TAFA1: variants seen among roughly 807,000 people sequenced by gnomAD.
The protein encoded by TAFA1 is chemokine-like protein TAFA-1.
In TAFA1, 4 loss-of-function variants were observed where a neutral mutation model predicts 18.5. The observed-to-expected ratio is 0.22, with a 90% CI of 0.11 to 0.49. The LOEUF is 0.49. Ranked by LOEUF, TAFA1 falls within the 20% of genes least tolerant of loss-of-function variation. The pLI is 0.98. For missense variants in TAFA1, 147 were observed against 169.0 expected, an observed-to-expected ratio of 0.87 and a Z score of 0.72; for synonymous variants, 56 against 55.2, an observed-to-expected ratio of 1.01 and a Z score of -0.06.
At chr3:68,407,255 C>G (rs1394253578) in intron 2 of TAFA1, among the ~76,000 whole-genome samples, 1 of 152,088 alleles carries the variant, frequency 6.6e-6, no homozygotes, top group Non-Finnish European at 1.5e-5. Context: ...CATGCCTACT[C>G]TGAACCAGGT....
intron 2 of TAFA1, among the ~76,000 whole-genome samples, chr3:68,080,870 A>G (rs563148345): frequency 3.3e-5 from 5 of 152,248 alleles, no homozygotes; most frequent in African/African-American, 1.2e-4. Flanking sequence ...ACCTTGCTAG[A>G]TTGGGGAAGT....
At chr3:68,049,086 T>C (rs546174765) in intron 2 of TAFA1, among the ~76,000 whole-genome samples, 1 of 152,244 alleles carries the variant, frequency 6.6e-6, no homozygotes, top group East Asian at 1.9e-4. Context: ...CTGGGCACAT[T>C]TTTTACTGCA....
At chr3:68,268,916 C>A (rs531065941) in intron 2 of TAFA1, among the ~76,000 whole-genome samples, 1 of 152,142 alleles carries the variant, frequency 6.6e-6, no homozygotes, top group African/African-American at 2.4e-5. Flanking sequence ...AATTCCAATA[C>A]CCCATTACAT....
At chr3:68,500,746 C>G (rs2665538) in intron 3 of TAFA1, among the ~76,000 whole-genome samples, 30,766 of 151,740 alleles carry the variant, frequency 0.2, 3,223 homozygotes, top group Middle Eastern at 0.24. Context: ...TAAGCAATCA[C>G]TGTGACCAGA....
intron 2 of TAFA1, among the ~76,000 whole-genome samples, chr3:68,318,784 T>A (rs1405761675): frequency 6.6e-6 from 1 of 152,200 alleles, no homozygotes; most frequent in Non-Finnish European, 1.5e-5. Flanking sequence ...CTGGTCTAAG[T>A]AGGCTTATTT....
chr3:68,237,921 TG>T (rs1431960687), intron 2 of TAFA1, among the ~76,000 whole-genome samples: 2 of 152,030 alleles, frequency 1.3e-5, no homozygotes, highest in Non-Finnish European at 2.9e-5. Flanking sequence ...AAGGCATCAC[TG>T]AAACTGAGGG....
intron 2 of TAFA1, among the ~76,000 whole-genome samples, chr3:68,013,504 C>T (rs1704512022): frequency 6.6e-6 from 1 of 152,064 alleles, no homozygotes; most frequent in South Asian, 2.1e-4. Flanking sequence ...GGATTTTTCT[C>T]CTCTATAAGT....
At chr3:68,092,620 C>T (rs942106192) in intron 2 of TAFA1, among the ~76,000 whole-genome samples, 6 of 152,168 alleles carry the variant, frequency 3.9e-5, no homozygotes, top group African/African-American at 1.4e-4. Context: ...TCAGGTAAAT[C>T]TTTCATGGGG....
intron 2 of TAFA1, among the ~76,000 whole-genome samples, chr3:68,129,592 T>C (rs538087404): frequency 6.6e-6 from 1 of 152,348 alleles, no homozygotes; most frequent in South Asian, 2.1e-4. Context: ...AAGATGCTGG[T>C]TCCATAACAT....
At chr3:68,308,131 A>C (rs2068452908) in intron 2 of TAFA1, among the ~76,000 whole-genome samples, 3 of 152,140 alleles carry the variant, frequency 2.0e-5, no homozygotes. Flanking sequence ...CATGTGCTAA[A>C]AACCTATGAT....
At chr3:68,208,489 G>T (rs1559559140) in intron 2 of TAFA1, among the ~76,000 whole-genome samples, 1 of 151,920 alleles carries the variant, frequency 6.6e-6, no homozygotes, top group Non-Finnish European at 1.5e-5. Context: ...CATTTTTGTA[G>T]TCTGGCTTAT....
chr3:68,407,481 G>GA (rs1445904737), intron 2 of TAFA1, among the ~76,000 whole-genome samples: 23 of 152,106 alleles, frequency 1.5e-4, no homozygotes, highest in Non-Finnish European at 2.8e-4. Context: ...ATAAGGCTTA[G>GA]AAAAATAGCT....
In TAFA1 at chr3:68,371,454, C is replaced by G. The variant is rs150700654; in HGVS notation, c.119-45826C>G. On this transcript the variant is annotated intron_variant, in intron 2 of 4. Coordinates refer to ENST00000478136, the MANE Select transcript of TAFA1 (RefSeq NM_213609.4). The stretch of plus-strand genomic sequence containing the variant: ...ATGTGTTCTTATTGTTTAACTCCCA[C>G]TTGTGAGCAAGAACATGAGGTGTTT... 1.6e-3 allele frequency among the ~76,000 whole-genome samples: 243 copies of G among 152,248 alleles called. 1 individual carries two copies. Among genetic ancestry groups the G allele is most frequent in the Non-Finnish European group, 2.6e-3 (179 of 68,028 alleles).
intron 3 of TAFA1, among the ~76,000 whole-genome samples, chr3:68,431,648 A>G (rs2106838204): frequency 6.6e-6 from 1 of 152,094 alleles, no homozygotes; most frequent in East Asian, 1.9e-4. Flanking sequence ...AAACAGACAA[A>G]TGGAAATTTG....
At chr3:68,361,762 T>C (rs1164368163) in intron 2 of TAFA1, among the ~76,000 whole-genome samples, 1 of 152,076 alleles carries the variant, frequency 6.6e-6, no homozygotes, top group Admixed American at 6.6e-5. Flanking sequence ...TTGTAACCTT[T>C]TGTGTTAGGT....
At chr3:68,163,857 C>A (rs2065952761) in intron 2 of TAFA1, among the ~76,000 whole-genome samples, 1 of 152,178 alleles carries the variant, frequency 6.6e-6, no homozygotes, top group Non-Finnish European at 1.5e-5. Context: ...ACCAGTCAAA[C>A]TCTGCCAGGG....
chr3:68,482,650 A>G (rs1453942674), intron 3 of TAFA1, among the ~76,000 whole-genome samples: 1 of 152,202 alleles, frequency 6.6e-6, no homozygotes, highest in African/African-American at 2.4e-5. Flanking sequence ...AAGAAGATTA[A>G]TTCCTCTACT....
At chr3:68,137,270 G>A (rs1207820023) in intron 2 of TAFA1, among the ~76,000 whole-genome samples, 3 of 151,416 alleles carry the variant, frequency 2.0e-5, no homozygotes, top group African/African-American at 7.3e-5. Context: ...AGTTCCCAAA[G>A]GTTCTATTTT....
At chr3:68,288,691 A>G (rs1210044402) in intron 2 of TAFA1, among the ~76,000 whole-genome samples, 1 of 152,156 alleles carries the variant, frequency 6.6e-6, no homozygotes, top group Non-Finnish European at 1.5e-5. Flanking sequence ...TTCTTTGTTT[A>G]TTCGTCTTAT....
Sources: allele counts gnomAD v4.1 joint callset (sites outside exome capture counted in the v4.1 genomes callset), GRCh38; gene constraint gnomAD v4.1.1; transcripts MANE v1.5; gene names NCBI Gene and HGNC (gene_info 2026-07-23, HGNC 2026-07-21).